The following FAT1 variants were observed in gnomAD, a reference collection of about 807,000 sequenced individuals.
The protein encoded by FAT1 is protocadherin Fat 1.
In FAT1, 171 loss-of-function variants were observed where a neutral mutation model predicts 329.8. That is an observed-to-expected ratio of 0.52 (90% CI 0.46 to 0.59). The LOEUF is 0.59. Among genes scored for constraint, FAT1 ranks in the 20% least tolerant of loss-of-function variants. The probability of loss-of-function intolerance (pLI) is 0.00; values close to 1 mark genes in which losing one functional copy is unlikely to be tolerated. For synonymous variants in FAT1, 2,233 were observed against 2,228.6 expected (o/e 1.00, Z -0.06); for missense variants, 5,672 against 5,774.4 (o/e 0.98, Z 0.57).
intron 2 of FAT1, among the ~76,000 whole-genome samples, chr4:186,667,131 C>T (rs1354334701): frequency 6.6e-6 from 1 of 152,164 alleles, no homozygotes; most frequent in Non-Finnish European, 1.5e-5. Context: ...AGTATATCAC[C>T]CTCACATCTG....
intron 2 of FAT1, among the ~76,000 whole-genome samples, chr4:186,689,375 C>T (rs1743637615): frequency 6.6e-6 from 1 of 152,210 alleles, no homozygotes; most frequent in Non-Finnish European, 1.5e-5. Flanking sequence ...CGGAATTTTA[C>T]AAAAGCTATC....
chr4:186,599,992 C>G lies in FAT1; in HGVS notation c.12009G>C (p.Val4003=), dbSNP rs1185153359. The change falls in exon 22 of 27, where the codon GTG becomes GTC. Residue 4003 remains valine (V), a synonymous_variant. Coordinates refer to ENST00000441802, the MANE Select transcript of FAT1 (RefSeq NM_005245.4). ...TCAGGAAGCAGCCTGGAGATACATC[C>G]ACCGACTCTTCGATGTGTGCATAGC... The part of the protein sequence containing the change: ...PRSYAHIEES[V]DVSPGCFLTA... 3 of 1,613,968 alleles carry G rather than the reference C, an allele frequency of 1.9e-6. No homozygotes were observed. In the South Asian group the frequency reaches 3.3e-5, roughly 18 times the overall value.
rs368165474 is a variant in FAT1, at chr4:186,706,949, C to G, written c.2879G>C (p.Gly960Ala). 48 of 1,613,998 alleles carry G rather than the reference C, an allele frequency of 3.0e-5. No individual in the cohort carries two copies. In the African/African-American group the frequency reaches 5.1e-4, roughly 17 times the overall value. ...GTCCAGAAGGCTGTATCTCACCTGA[C>G]CAGACTGACCTAAATCAGGATCGTG... ...EAHDPDLGQS[G>A]QVRYSLLDHG... Residue 960 changes from glycine to alanine, a missense_variant, in exon 2 of 27, where the codon GGT becomes GCT. By Grantham distance (60) the Gly-to-Ala change is moderately conservative. Around this residue, in one of 2 missense-constraint regions of FAT1, gnomAD observed 3,966 missense variants for 3,915.2 expected, o/e 1.01. Transcript: ENST00000441802.
rs767331775 is a variant in FAT1, at chr4:186,621,706, C to T, written c.4880G>A (p.Arg1627Gln). The T allele has an allele frequency of 2.7e-5, 44 of 1,613,168 alleles. No homozygotes were observed. The highest frequency in any genetic ancestry group is 1.1e-4 in the East Asian group (5 of 44,888). Residue 1627 changes from arginine (R) to glutamine (Q), a missense_variant, in exon 10 of 27, where the codon CGA (arginine) becomes CAA (glutamine). Arg to Gln is a conservative substitution (Grantham distance 43, BLOSUM62 1). Around this residue, in one of 2 missense-constraint regions of FAT1, gnomAD observed 3,966 missense variants for 3,915.2 expected, o/e 1.01. Transcript: ENST00000441802. Reference protein sequence around the residue: ...GSIKTAKELDRSNQAEYDLMV... With the variant: ...GSIKTAKELDQSNQAEYDLMV... ...TAAATCATACTCCGCTTGGTTACTTCGATCTAATTCTTTGGCAGTTTTAAT... is the reference window on the plus strand; with the variant it reads ...TAAATCATACTCCGCTTGGTTACTTTGATCTAATTCTTTGGCAGTTTTAAT...
chr4:186,726,608 G>A (rs1053229512), upstream of FAT1: 1 of 152,288 alleles, frequency 6.6e-6, no homozygotes, highest in Non-Finnish European at 1.5e-5. Flanking sequence ...CCGGAACGAG[G>A]GCCCGGGAGC....
chr4:186,590,685 A>C, intron 26 of FAT1: 1 of 456,178 alleles, frequency 2.2e-6, no homozygotes, highest in South Asian at 1.5e-5. Flanking sequence ...CTTGTTTCTG[A>C]CAATCACAGC....
At chr4:186,724,832 T>C (rs1375630118), upstream of FAT1, among the ~76,000 whole-genome samples, 2 of 152,156 alleles carry the variant, frequency 1.3e-5, no homozygotes, top group Non-Finnish European at 2.9e-5. The surrounding 1 kb of genome is among the most constrained non-coding windows in gnomAD (Gnocchi z 5.3). Context: ...CTCAGGCATT[T>C]TAACACTGGG....
chr4:186,653,491 T>C (rs1478437339), intron 3 of FAT1, among the ~76,000 whole-genome samples: 2 of 152,150 alleles, frequency 1.3e-5, no homozygotes, highest in Non-Finnish European at 2.9e-5. Flanking sequence ...TTCAGAAATA[T>C]AAAAGTCTAT....
chr4:186,652,141 C>G (rs1741695706), intron 3 of FAT1, among the ~76,000 whole-genome samples: 2 of 152,168 alleles, frequency 1.3e-5, no homozygotes, highest in African/African-American at 4.8e-5. Flanking sequence ...TCAATTCTAC[C>G]TTACTAGCTG....
intron 1 of FAT1, among the ~76,000 whole-genome samples, chr4:186,722,807 C>T (rs1745519539): frequency 6.6e-6 from 1 of 152,160 alleles, no homozygotes; most frequent in African/African-American, 2.4e-5. Context: ...CTAATAATCA[C>T]TGTTAATATC....
intron 3 of FAT1, among the ~76,000 whole-genome samples, chr4:186,661,518 G>A (rs184031540): frequency 1.4e-3 from 209 of 152,316 alleles, no homozygotes; most frequent in African/African-American, 4.8e-3. Flanking sequence ...TGGAGGCTAC[G>A]GGAAGGTGAA....
chr4:186,592,457 C>T (rs1738281916), intron 26 of FAT1, among the ~76,000 whole-genome samples: 1 of 125,230 alleles, frequency 8.0e-6, no homozygotes, highest in African/African-American at 2.8e-5. Context: ...GATAAGCTCT[C>T]CAGATCTCAT....
chr4:186,596,492 C>T lies in FAT1; in HGVS notation c.13000+48G>A, dbSNP rs770973402. 11 of 1,563,974 alleles carry T rather than the reference C, an allele frequency of 7.0e-6. 1 individual carries two copies. In the South Asian group the frequency reaches 1.1e-4, roughly 16 times the overall value. ...TGACTGGACAGAATTTGTAACCTCACTGTTTATCTCAAGTGACACTTTAGT... is the reference window on the plus strand; with the variant it reads ...TGACTGGACAGAATTTGTAACCTCATTGTTTATCTCAAGTGACACTTTAGT... On this transcript the variant is annotated intron_variant, in intron 25 of 26. Coordinates refer to ENST00000441802, the MANE Select transcript of FAT1 (RefSeq NM_005245.4). This position sits in a 1 kb window ranked among gnomAD's most constrained non-coding sequence, Gnocchi z 4.7.
At chr4:186,613,365 T>G (rs2126476651) in intron 12 of FAT1, 23 bp from the exon 13 acceptor site, 1 of 1,558,860 alleles carries the variant, frequency 6.4e-7, no homozygotes, top group South Asian at 1.1e-5. Flanking sequence ...ACAAATGGAC[T>G]CACTTGTAAT....
chr4:186,687,903 G>A (rs1743549640), intron 2 of FAT1, among the ~76,000 whole-genome samples: 1 of 152,064 alleles, frequency 6.6e-6, no homozygotes, highest in Admixed American at 6.6e-5. Flanking sequence ...GCACTGGAAA[G>A]GCATCTTTGT....
intron 2 of FAT1, among the ~76,000 whole-genome samples, chr4:186,699,043 C>T (rs1744172638): frequency 6.6e-6 from 1 of 152,268 alleles, no homozygotes; most frequent in African/African-American, 2.4e-5. Flanking sequence ...CAGAGTATAA[C>T]ACCACGTAAT....
chr4:186,667,113 G>T (rs1742478965), intron 2 of FAT1, among the ~76,000 whole-genome samples: 1 of 152,230 alleles, frequency 6.6e-6, no homozygotes, highest in Non-Finnish European at 1.5e-5. Context: ...AAAGAATTAT[G>T]AAATGGAAGT....
At position 186,614,865 on chromosome 4, in the gene FAT1, G is replaced by T. The variant is rs184085989; in HGVS notation, c.9076-521C>A. 2.8e-3 allele frequency among the ~76,000 whole-genome samples: 276 copies of T among 99,416 alleles called. 3 individuals are homozygous for T. Among genetic ancestry groups the T allele is most frequent in the South Asian group, 0.027 (110 of 4,064 alleles). 65.2% of individuals were successfully genotyped at this position (99,416 alleles called of 152,430 possible). On this transcript the variant is annotated intron_variant, in intron 11 of 26. Transcript: ENST00000441802. ...AGGCCACAGAAGGGACTCTGATGAA[G>T]GCTGAGGCCCTTCTACTGCCCTGCG...
At chr4:186,655,235 T>C (rs1265128382) in intron 3 of FAT1, among the ~76,000 whole-genome samples, 1 of 152,190 alleles carries the variant, frequency 6.6e-6, no homozygotes, top group Non-Finnish European at 1.5e-5. Context: ...TACTAAACTT[T>C]TCTGATAAAT....
Sources: allele counts gnomAD v4.1 joint callset (sites outside exome capture counted in the v4.1 genomes callset), GRCh38; gene constraint gnomAD v4.1.1; regional missense constraint gnomAD v4.1.1; non-coding constraint Gnocchi (gnomAD v3.1); transcripts MANE v1.5; gene names NCBI Gene and HGNC (gene_info 2026-07-23, HGNC 2026-07-21).